SLC14A2: variants seen among roughly 807,000 people sequenced by gnomAD.
SLC14A2 encodes the protein solute carrier family 14 member 2, also known as urea transporter 2.
In SLC14A2, 91 loss-of-function variants were observed where a neutral mutation model predicts 104.6. The ratio of observed to expected loss-of-function variants is 0.87; its 90% CI spans 0.73 to 1.04. The LOEUF is 1.04. Among genes scored for constraint, SLC14A2 ranks in the 50% least tolerant of loss-of-function variants. The pLI, the probability that SLC14A2 is intolerant of heterozygous loss-of-function variation, is 0.00. For synonymous variants in SLC14A2, 476 were observed against 466.4 expected (o/e 1.02, Z -0.27); for missense variants, 1,189 against 1,156.0 (o/e 1.03, Z -0.41).
chr18:45,170,473 C>G, the SLC14A2 span, among the ~76,000 whole-genome samples: 10 of 152,110 alleles, frequency 6.6e-5, no homozygotes, highest in Admixed American at 4.6e-4. Context: ...GATATATAAC[C>G]TTGAATGTTT....
the SLC14A2 span, among the ~76,000 whole-genome samples, chr18:45,175,567 G>C: frequency 6.6e-6 from 1 of 152,092 alleles, no homozygotes; most frequent in Admixed American, 6.6e-5. Flanking sequence ...AGTGGATCAT[G>C]TTCCATGGAA....
rs983867178 is a variant in SLC14A2, at chr18:45,302,631, C to T, written c.-125+89440C>T. 4.6e-5 allele frequency among the ~76,000 whole-genome samples: 7 copies of T among 152,138 alleles called. No individual in the cohort carries two copies. The South Asian group carries it at 6.2e-4, about 14-fold the overall frequency. On this transcript the variant is annotated intron_variant, in intron 1 of 20. Coordinates refer to the SLC14A2 transcript ENST00000586448. ...TCTTTGTATTTGTCAATCCTGAGTT[C>T]GGGTCTTCTTTCTATAGCCAACAGA...
At chr18:45,605,999 A>G (rs533870184) in intron 2 of SLC14A2, among the ~76,000 whole-genome samples, 1 of 152,300 alleles carries the variant, frequency 6.6e-6, no homozygotes, top group East Asian at 1.9e-4. Flanking sequence ...CCCACTGACA[A>G]CAAACAGAAA....
intron 1 of SLC14A2, among the ~76,000 whole-genome samples, chr18:45,302,510 T>A (rs1169352608): frequency 6.6e-6 from 1 of 152,196 alleles, no homozygotes; most frequent in African/African-American, 2.4e-5. Context: ...GGGCCCTTTG[T>A]CTATTTTCCC....
At chr18:45,185,632 A>T in the SLC14A2 span, among the ~76,000 whole-genome samples, 1 of 152,196 alleles carries the variant, frequency 6.6e-6, no homozygotes, top group African/African-American at 2.4e-5. Flanking sequence ...TTGTCCTAAA[A>T]GTTCTAGCCA....
chr18:45,401,092 G>T (rs1440971382), intron 1 of SLC14A2, among the ~76,000 whole-genome samples: 2 of 152,270 alleles, frequency 1.3e-5, no homozygotes, highest in Middle Eastern at 3.4e-3. Flanking sequence ...GGGTGTTGCT[G>T]CTTGGAAGAT....
intron 10 of SLC14A2, among the ~76,000 whole-genome samples, chr18:45,661,326 G>A (rs2045933354): frequency 6.6e-6 from 1 of 152,232 alleles, no homozygotes; most frequent in African/African-American, 2.4e-5. Context: ...TTAAACTGGA[G>A]TGCCTCTTTG....
At chr18:45,327,497 CAAATAG>C (rs1408105652) in intron 1 of SLC14A2, among the ~76,000 whole-genome samples, 11 of 152,282 alleles carry the variant, frequency 7.2e-5, no homozygotes, top group South Asian at 4.2e-4. Flanking sequence ...AAACCGTACT[CAAATAG>C]AAACACTTTA....
rs191921727 is a variant in SLC14A2, at chr18:45,598,380, T to C, written c.-34-26251T>C. ...ATGACATGGCACTGCAGCTTGGGTC[T>C]GCTCAGGAGAGTGGCCCCAGCATTT... On this transcript the variant is annotated intron_variant, in intron 2 of 20. Transcript: ENST00000586448. Among the ~76,000 whole-genome samples the C allele has an allele frequency of 1.2e-4, 18 of 152,260 alleles. 1 individual carries two copies. Among genetic ancestry groups the C allele is most frequent in the Non-Finnish European group, 4.4e-5 (3 of 68,020 alleles).
intron 1 of SLC14A2, among the ~76,000 whole-genome samples, chr18:45,373,479 C>A (rs965412030): frequency 6.6e-6 from 1 of 152,198 alleles, no homozygotes. Context: ...AGCCCTCCCT[C>A]ATTTCCTCTT....
intron 1 of SLC14A2, among the ~76,000 whole-genome samples, chr18:45,315,440 GAAT>G (rs1446496692): frequency 2.0e-5 from 3 of 152,158 alleles, no homozygotes; most frequent in Admixed American, 1.3e-4. Flanking sequence ...ACTACCATCT[GAAT>G]ATTCTACATG....
intron 1 of SLC14A2, among the ~76,000 whole-genome samples, chr18:45,622,707 C>T (rs1208234313): frequency 6.6e-6 from 1 of 152,032 alleles, no homozygotes; most frequent in Non-Finnish European, 1.5e-5. Context: ...GATATAACGG[C>T]CAAAGAGTGT....
intron 1 of SLC14A2, among the ~76,000 whole-genome samples, chr18:45,398,087 C>T (rs569462527): frequency 2.0e-5 from 3 of 152,028 alleles, no homozygotes; most frequent in East Asian, 1.9e-4. Context: ...CAAAAAAAGT[C>T]GATATTTATG....
the SLC14A2 span, among the ~76,000 whole-genome samples, chr18:45,202,915 GA>G: frequency 6.6e-6 from 1 of 151,730 alleles, no homozygotes; most frequent in East Asian, 1.9e-4. Context: ...AATGTGTAAA[GA>G]AAAAAAAGGA....
chr18:45,175,781 A>G, the SLC14A2 span, among the ~76,000 whole-genome samples: 2 of 152,186 alleles, frequency 1.3e-5, no homozygotes, highest in African/African-American at 2.4e-5. Context: ...GGGTGCTGAC[A>G]GCACACTTTT....
intron 1 of SLC14A2, among the ~76,000 whole-genome samples, chr18:45,382,167 C>T (rs2085845642): frequency 6.6e-6 from 1 of 152,144 alleles, no homozygotes; most frequent in Non-Finnish European, 1.5e-5. Context: ...TTCTCTAGCT[C>T]TGAACTCTGA....
At chr18:45,423,985 T>C (rs2086385965) in intron 1 of SLC14A2, 1 of 152,224 alleles carries the variant, frequency 6.6e-6, no homozygotes, top group African/African-American at 2.4e-5. Flanking sequence ...GAGAAATAAC[T>C]GGAGCTGAGC....
In SLC14A2 at chr18:45,311,372, T is replaced by C. The variant is rs138333560; in HGVS notation, c.-125+98181T>C. On this transcript the variant is annotated intron_variant, in intron 1 of 20. Coordinates refer to the SLC14A2 transcript ENST00000586448. ...ATCCTCTCAGTCACTATATGAGATATGTATACTCCTATCCACACTTATAGA... is the reference window on the plus strand; with the variant it reads ...ATCCTCTCAGTCACTATATGAGATACGTATACTCCTATCCACACTTATAGA... Among the ~76,000 whole-genome samples the C allele has an allele frequency of 3.0e-3, 464 of 152,300 alleles. 2 individuals are homozygous for C. The highest frequency in any genetic ancestry group is 0.011 in the African/African-American group (440 of 41,576).
At chr18:45,359,445 GGAAGAGATAA>G (rs2085588891) in intron 1 of SLC14A2, among the ~76,000 whole-genome samples, 1 of 152,146 alleles carries the variant, frequency 6.6e-6, no homozygotes, top group Non-Finnish European at 1.5e-5. Flanking sequence ...CCTTCTCCAG[GGAAGAGATAA>G]GGAGTAGGCC....
Sources: allele counts gnomAD v4.1 joint callset (sites outside exome capture counted in the v4.1 genomes callset), GRCh38; gene constraint gnomAD v4.1.1; transcripts MANE v1.5; gene names NCBI Gene and HGNC (gene_info 2026-07-23, HGNC 2026-07-21).